The following CCDC149 variants were observed in gnomAD, a reference collection of about 807,000 sequenced individuals.
The protein encoded by CCDC149 is coiled-coil domain containing 149.
In CCDC149, 45 loss-of-function variants were observed where a neutral mutation model predicts 59.9. The observed-to-expected ratio is 0.75, with a 90% CI of 0.59 to 0.96. The LOEUF is 0.96. Among genes scored for constraint, CCDC149 ranks in the 40% least tolerant of loss-of-function variants. The pLI, the probability that CCDC149 is intolerant of heterozygous loss-of-function variation, is 0.00. For synonymous variants in CCDC149, 245 were observed against 260.6 expected, an observed-to-expected ratio of 0.94 and a Z score of 0.58; for missense variants, 584 against 664.7, an observed-to-expected ratio of 0.88 and a Z score of 1.33.
chr4:24,947,187 C>A (rs1560265899), intron 1 of CCDC149, among the ~76,000 whole-genome samples: 2 of 152,162 alleles, frequency 1.3e-5, no homozygotes, highest in Non-Finnish European at 2.9e-5. Flanking sequence ...CCACCCAAAT[C>A]TCATCTCAAA....
At chr4:24,853,220 A>G (rs767450933) in intron 3 of CCDC149, 41 bp from the exon 4 acceptor site, 5 of 1,444,168 alleles carry the variant, frequency 3.5e-6, no homozygotes, top group Non-Finnish European at 3.9e-6. Context: ...TCAGAAATGG[A>G]GGAGTGGATG....
At chr4:24,809,921 T>A (rs901337505) in intron 12 of CCDC149, among the ~76,000 whole-genome samples, 3 of 152,232 alleles carry the variant, frequency 2.0e-5, no homozygotes, top group Non-Finnish European at 4.4e-5. Flanking sequence ...CATCTGGCCA[T>A]GCCATTTTCC....
chr4:24,909,306 TG>T (rs1721733885), intron 1 of CCDC149, among the ~76,000 whole-genome samples: 1 of 152,068 alleles, frequency 6.6e-6, no homozygotes, highest in African/African-American at 2.4e-5. Context: ...GAAAATCCCA[TG>T]TAGTCCAGAT....
At chr4:24,816,140 T>G (rs963665917) in intron 12 of CCDC149, among the ~76,000 whole-genome samples, 8 of 152,032 alleles carry the variant, frequency 5.3e-5, no homozygotes, top group Non-Finnish European at 1.2e-4. Context: ...CAGGCTGGAG[T>G]GCAGTGCCGC....
In CCDC149 at chr4:24,831,546, C is replaced by T. The variant is rs373349235; in HGVS notation, c.925G>A (p.Glu309Lys). 23 of 1,613,932 alleles carry T rather than the reference C, an allele frequency of 1.4e-5. No homozygotes were observed. The highest frequency in any genetic ancestry group is 1.6e-4 in the Middle Eastern group (1 of 6,082). Reference sequence around the variant, plus strand: ...TGGTGCTGAATGACCATGTTTTTCTCGTGGATTGTTTCCAACAGGGCTGTT... The same window carrying T: ...TGGTGCTGAATGACCATGTTTTTCTTGTGGATTGTTTCCAACAGGGCTGTT... Residue 309 changes from glutamate to lysine, a missense_variant, in exon 9 of 13, where the codon GAG (glutamate) becomes AAG (lysine). Glu to Lys is a moderately conservative substitution (Grantham distance 56, BLOSUM62 1). Coordinates refer to ENST00000635206, the MANE Select transcript of CCDC149 (RefSeq NM_001330643.2).
intron 1 of CCDC149, among the ~76,000 whole-genome samples, chr4:24,903,024 C>CAAACAAAAAAAA (rs1721264219): frequency 1.9e-5 from 1 of 52,508 alleles, no homozygotes; most frequent in Admixed American, 2.7e-4. Flanking sequence ...GAGTCTAACT[C>CAAACAAAAAAAA]AAAAAAAAAA....
intron 1 of CCDC149, among the ~76,000 whole-genome samples, chr4:24,882,990 C>T (rs1719935102): frequency 6.6e-6 from 1 of 152,194 alleles, no homozygotes; most frequent in African/African-American, 2.4e-5. Context: ...AATCTTCAAG[C>T]TTCCATATGC....
intron 1 of CCDC149, among the ~76,000 whole-genome samples, chr4:24,946,745 T>C (rs965899113): frequency 6.6e-6 from 1 of 152,242 alleles, no homozygotes; most frequent in Non-Finnish European, 1.5e-5. Flanking sequence ...TCTGCCATCC[T>C]AGTGGGCAAG....
upstream of CCDC149, among the ~76,000 whole-genome samples, chr4:24,913,173 T>C (rs1393343963): frequency 6.6e-6 from 1 of 151,912 alleles, no homozygotes; most frequent in East Asian, 1.9e-4. Flanking sequence ...CTGCCCGGCC[T>C]CTAGGCAAGG....
At chr4:24,903,357 G>A (rs1217925144) in intron 1 of CCDC149, among the ~76,000 whole-genome samples, 4 of 152,144 alleles carry the variant, frequency 2.6e-5, no homozygotes, top group African/African-American at 9.7e-5. Context: ...GAGTGCAAAT[G>A]AGAGCTTGGT....
At chr4:24,952,416 AC>A (rs536193003) in intron 1 of CCDC149, among the ~76,000 whole-genome samples, 248 of 151,062 alleles carry the variant, frequency 1.6e-3, no homozygotes, top group African/African-American at 5.8e-3. Flanking sequence ...ACATGGTGAA[AC>A]CCCATCTCTA....
chr4:24,825,943 T>C (rs543079401), intron 9 of CCDC149, among the ~76,000 whole-genome samples: 23 of 151,040 alleles, frequency 1.5e-4, no homozygotes, highest in Admixed American at 3.9e-4. Context: ...AGTGAAGAGG[T>C]TTTTTGTTGT....
At chr4:24,874,246 T>TG (rs1719247213) in intron 2 of CCDC149, among the ~76,000 whole-genome samples, 2 of 12,824 alleles carry the variant, frequency 1.6e-4, no homozygotes, top group African/African-American at 4.8e-4. Context: ...TTAGATTTGT[T>TG]TTTTTTTTTT....
chr4:24,873,268 T>C (rs1719169900), intron 3 of CCDC149, among the ~76,000 whole-genome samples: 1 of 151,636 alleles, frequency 6.6e-6, no homozygotes, highest in African/African-American at 2.4e-5. Context: ...ACCTACCAAG[T>C]GGTATGTGTC....
intron 1 of CCDC149, among the ~76,000 whole-genome samples, chr4:24,935,253 AATATCTTAGGACTAGACAACCG>A (rs1722704837): frequency 6.6e-6 from 1 of 152,200 alleles, no homozygotes; most frequent in African/African-American, 2.4e-5. Flanking sequence ...AACTTACTTC[AATATCTTAGGACTAGACAACCG>A]TGTTAATCAT....
intron 8 of CCDC149, among the ~76,000 whole-genome samples, chr4:24,831,891 T>C (rs1466841067): frequency 2.0e-5 from 3 of 152,250 alleles, no homozygotes; most frequent in Admixed American, 2.0e-4. Context: ...AATATTTGCA[T>C]TTGTCTACTA....
intron 1 of CCDC149, among the ~76,000 whole-genome samples, chr4:24,935,144 G>C (rs1413214534): frequency 6.6e-6 from 1 of 152,162 alleles, no homozygotes; most frequent in East Asian, 1.9e-4. Flanking sequence ...TAGCAACGGA[G>C]ATGCAAGAAT....
intron 3 of CCDC149, among the ~76,000 whole-genome samples, chr4:24,857,064 G>C (rs1718057192): frequency 6.6e-6 from 1 of 152,080 alleles, no homozygotes; most frequent in South Asian, 2.1e-4. Flanking sequence ...ATGTCTGTAA[G>C]GGCAACAATG....
At chr4:24,823,327 T>C (rs1715530303) in intron 9 of CCDC149, among the ~76,000 whole-genome samples, 1 of 152,192 alleles carries the variant, frequency 6.6e-6, no homozygotes, top group Non-Finnish European at 1.5e-5. Context: ...AAGACCATAC[T>C]GTTTACTTGG....
Sources: gnomAD v4.1 joint callset for allele counts (sites outside exome capture counted in the v4.1 genomes callset) on GRCh38, gnomAD v4.1.1 for gene constraint, MANE v1.5 for transcripts, NCBI Gene and HGNC (gene_info 2026-07-23, HGNC 2026-07-21) for gene names.